PICALM: variants seen among roughly 807,000 people sequenced by gnomAD.
PICALM encodes phosphatidylinositol-binding clathrin assembly protein.
A neutral mutation model predicts 80.5 loss-of-function variants in PICALM; 40 were observed. The observed-to-expected ratio is 0.50, with a 90% CI of 0.39 to 0.65. The LOEUF (loss-of-function observed/expected upper bound fraction) is 0.65. Among genes scored for constraint, PICALM ranks in the 30% least tolerant of loss-of-function variants. The pLI, the probability that PICALM is intolerant of heterozygous loss-of-function variation, is 0.00. For synonymous variants in PICALM, 288 were observed against 260.3 expected (o/e 1.11, Z -1.02); for missense variants, 676 against 778.9 (o/e 0.87, Z 1.57).
intron 19 of PICALM, among the ~76,000 whole-genome samples, chr11:85,960,136 A>AT (rs955735526): frequency 1.3e-5 from 2 of 152,152 alleles, no homozygotes; most frequent in African/African-American, 4.8e-5. Context: ...CCATAAAAAT[A>AT]TTTTTCAATA....
chr11:85,991,843 G>A (rs1162995011), intron 12 of PICALM, among the ~76,000 whole-genome samples: 1 of 152,086 alleles, frequency 6.6e-6, no homozygotes, highest in Admixed American at 6.5e-5. Flanking sequence ...GTTGCAGGGG[G>A]GCACGGTGGG....
chr11:86,022,679 A>G (rs1457698373), intron 3 of PICALM, among the ~76,000 whole-genome samples: 1 of 152,076 alleles, frequency 6.6e-6, no homozygotes, highest in Non-Finnish European at 1.5e-5. Flanking sequence ...AAATCAGATA[A>G]GTCCTATGTA....
At chr11:86,067,307 G>A (rs1195892356) in intron 1 of PICALM, among the ~76,000 whole-genome samples, 2 of 152,214 alleles carry the variant, frequency 1.3e-5, no homozygotes, top group Non-Finnish European at 2.9e-5. Context: ...TTTCATGTAT[G>A]ATGAAAGTCA....
At chr11:86,047,139 GAC>G (rs2096086423) in intron 1 of PICALM, among the ~76,000 whole-genome samples, 2 of 152,162 alleles carry the variant, frequency 1.3e-5, no homozygotes, top group Non-Finnish European at 2.9e-5. Context: ...GATAGATGAA[GAC>G]ACACATCCAC....
intron 12 of PICALM, among the ~76,000 whole-genome samples, chr11:85,993,283 T>A (rs1390485803): frequency 3.9e-5 from 6 of 152,028 alleles, no homozygotes; most frequent in African/African-American, 1.5e-4. Flanking sequence ...GGCAAGGTCT[T>A]GCCATGTTGT....
intron 2 of PICALM, among the ~76,000 whole-genome samples, chr11:86,030,923 T>G (rs2136753959): frequency 6.6e-6 from 1 of 152,166 alleles, no homozygotes; most frequent in South Asian, 2.1e-4. Flanking sequence ...AAGACCAGCC[T>G]AAGCCAAGAT....
At chr11:85,983,725 C>T in intron 14 of PICALM, 141 bp downstream of exon 14, 1 of 470,002 alleles carries the variant, frequency 2.1e-6, no homozygotes, top group Non-Finnish European at 3.8e-6. Flanking sequence ...AAGTTCTCAT[C>T]TAGTGCTTGG....
At chr11:86,050,837 C>T (rs1426740271) in intron 1 of PICALM, among the ~76,000 whole-genome samples, 1 of 152,090 alleles carries the variant, frequency 6.6e-6, no homozygotes, top group East Asian at 1.9e-4. Context: ...AAGATACACA[C>T]TGGAAAAAAA....
chr11:86,032,148 C>A (rs1235399672), intron 1 of PICALM, among the ~76,000 whole-genome samples: 1 of 152,172 alleles, frequency 6.6e-6, no homozygotes, highest in Non-Finnish European at 1.5e-5. Context: ...TGAGTTGGAT[C>A]TGTTTGTTCA....
rs138200809 is a variant in PICALM at position 86,000,683 on chromosome 11, G to A, written c.1114C>T (p.Pro372Ser). Residue 372 changes from proline (P) to serine (S), a missense_variant, in exon 11 of 20, where the codon CCA becomes TCA. By Grantham distance (74) the Pro-to-Ser change is moderately conservative. This residue lies in a region of PICALM where 391 missense variants were observed against 383.6 expected (regional missense o/e 1.02). Transcript: ENST00000393346. ...GGGGTAGAAAATATGTCAATGGCTG[G>A]TGCAGTCATTATCCCTCCTGCTGAG... is the stretch of plus-strand genomic sequence containing the variant. ...STSAGGIMTA[P>S]AIDIFSTPSS... The A allele has an allele frequency of 2.4e-5, 39 of 1,611,144 alleles. No homozygotes were observed. The highest frequency in any genetic ancestry group is 1.1e-4 in the East Asian group (5 of 44,880).
At chr11:86,047,643 G>C (rs758681362) in intron 1 of PICALM, among the ~76,000 whole-genome samples, 3 of 152,152 alleles carry the variant, frequency 2.0e-5, no homozygotes, top group African/African-American at 7.2e-5. Context: ...ATAGCAGAAG[G>C]GGTAAACTAC....
At chr11:86,052,145 C>A (rs762188737) in intron 1 of PICALM, among the ~76,000 whole-genome samples, 1 of 152,112 alleles carries the variant, frequency 6.6e-6, no homozygotes, top group Non-Finnish European at 1.5e-5. Context: ...TGAATCATAG[C>A]GACAGTTTCT....
intron 1 of PICALM, among the ~76,000 whole-genome samples, chr11:86,067,652 A>C (rs1224018168): frequency 1.3e-5 from 2 of 152,200 alleles, no homozygotes; most frequent in African/African-American, 2.4e-5. Context: ...TCATTTTGCC[A>C]ATTTTTTTAA....
chr11:86,035,947 CAA>C (rs543040504), intron 1 of PICALM, among the ~76,000 whole-genome samples: 6 of 66,498 alleles, frequency 9.0e-5, no homozygotes, highest in Admixed American at 1.7e-4. Flanking sequence ...GACTCTGCCT[CAA>C]AAAAAAAAAA....
chr11:86,051,604 T>C (rs1275210830), intron 1 of PICALM, among the ~76,000 whole-genome samples: 2 of 152,164 alleles, frequency 1.3e-5, no homozygotes, highest in Non-Finnish European at 2.9e-5. Flanking sequence ...GAGGTTGCAG[T>C]GAGCTGACAT....
At chr11:86,001,451 G>A (rs2095141304) in intron 9 of PICALM, among the ~76,000 whole-genome samples, 1 of 152,172 alleles carries the variant, frequency 6.6e-6, no homozygotes, top group African/African-American at 2.4e-5. Context: ...CCCAAGAGAG[G>A]AAACCAGTGC....
At chr11:86,055,305 G>GGAC (rs2096252218) in intron 1 of PICALM, among the ~76,000 whole-genome samples, 1 of 44,222 alleles carries the variant, frequency 2.3e-5, no homozygotes, top group South Asian at 5.5e-4. Flanking sequence ...ACTCCAGCCT[G>GGAC]GACAAGAGCA....
chr11:85,957,280 T>C lies in PICALM; in HGVS notation c.*1766A>G, dbSNP rs911395821. On this transcript the variant is annotated 3_prime_UTR_variant, in exon 20 of 20. Coordinates refer to ENST00000393346, the MANE Select transcript of PICALM (RefSeq NM_007166.4). ...CACAGCAAATATTATGAGACACTTA[T>C]CAATGCAAAGCTTTTGATCCTTTAT... 1.3e-5 allele frequency among the ~76,000 whole-genome samples: 2 copies of C among 152,240 alleles called. No homozygotes were observed. The highest frequency in any genetic ancestry group is 2.9e-5 in the Non-Finnish European group (2 of 68,038).
chr11:86,001,413 A>G (rs1434334279), intron 9 of PICALM, among the ~76,000 whole-genome samples: 2 of 152,230 alleles, frequency 1.3e-5, no homozygotes, highest in Admixed American at 1.3e-4. Context: ...GGTTCACAAC[A>G]GAGTGGGGCA....
Sources: allele counts gnomAD v4.1 joint callset (sites outside exome capture counted in the v4.1 genomes callset), GRCh38; gene constraint gnomAD v4.1.1; regional missense constraint gnomAD v4.1.1; transcripts MANE v1.5; gene names NCBI Gene and HGNC (gene_info 2026-07-23, HGNC 2026-07-21).